Variants in KIF20B observed in about 807,000 individuals in gnomAD.
KIF20B encodes kinesin family member 20B.
KIF20B carries 188 observed loss-of-function variants against 232.5 expected under a neutral mutation model. The ratio of observed to expected loss-of-function variants is 0.81; its 90% CI spans 0.72 to 0.91. The LOEUF (loss-of-function observed/expected upper bound fraction) is 0.91, where lower values mean the gene tolerates loss of function less well. Among genes scored for constraint, KIF20B ranks in the 40% least tolerant of loss-of-function variants. The pLI, the probability that KIF20B is intolerant of heterozygous loss-of-function variation, is 0.00. For missense variants in KIF20B, 2,154 were observed against 2,055.9 expected, an observed-to-expected ratio of 1.05 and a Z score of -0.92; for synonymous variants, 712 against 683.0, an observed-to-expected ratio of 1.04 and a Z score of -0.66.
chr10:89,739,023 A>G lies in KIF20B; in HGVS notation c.3842A>G (p.Lys1281Arg). The G allele has an allele frequency of 6.2e-7, 1 of 1,613,324 alleles. No individual in the cohort carries two copies. Among genetic ancestry groups the G allele is most frequent in the Non-Finnish European group, 8.5e-7 (1 of 1,179,444 alleles). Residue 1281 changes from lysine to arginine, a missense_variant, in exon 21 of 33, where the codon AAG becomes AGG. Physicochemically the swap from Lys to Arg is conservative, Grantham distance 26. Transcript: ENST00000371728. ...TQNLKADLQR[K>R]EEDYADLKEK... ...AATCTGAAAGCAGATCTTCAGAGGA[A>G]GGAAGAAGATTATGCTGACCTGAAA...
chr10:89,753,123 A>T (rs1842052913), intron 25 of KIF20B, among the ~76,000 whole-genome samples: 1 of 152,182 alleles, frequency 6.6e-6, no homozygotes, highest in East Asian at 1.9e-4. Flanking sequence ...ATAAAACTAT[A>T]CTATATAGAA....
intron 17 of KIF20B, 151 bp from the exon 18 acceptor site, chr10:89,728,977 A>G (rs1409759260): frequency 6.8e-6 from 4 of 588,494 alleles, no homozygotes; most frequent in Non-Finnish European, 1.0e-5. Flanking sequence ...CAAAAATAAG[A>G]TCATGCTGTG....
At chr10:89,765,318 C>T (rs1391923221) in intron 29 of KIF20B, among the ~76,000 whole-genome samples, 1 of 152,102 alleles carries the variant, frequency 6.6e-6, no homozygotes, top group African/African-American at 2.4e-5. Flanking sequence ...CCTAGGAATC[C>T]AACTTACAAG....
chr10:89,724,222 C>T (rs879111097), intron 14 of KIF20B, 119 bp downstream of exon 14: 1 of 1,025,294 alleles, frequency 9.8e-7, no homozygotes. Flanking sequence ...TCTCTTTATA[C>T]AAGCTTGAAA....
chr10:89,716,187 T>C (rs967088273), intron 8 of KIF20B, among the ~76,000 whole-genome samples: 1 of 152,176 alleles, frequency 6.6e-6, no homozygotes, highest in African/African-American at 2.4e-5. Flanking sequence ...TGTTACTGTA[T>C]TCAATTTTCC....
At chr10:89,702,449 T>C (rs1034544204) in intron 1 of KIF20B, among the ~76,000 whole-genome samples, 33 of 152,376 alleles carry the variant, frequency 2.2e-4, no homozygotes, top group African/African-American at 7.2e-4. Flanking sequence ...TCACGCCTTA[T>C]GGGTTAGGTA....
At chr10:89,725,812 T>C (rs1340040244) in intron 15 of KIF20B, among the ~76,000 whole-genome samples, 1 of 152,156 alleles carries the variant, frequency 6.6e-6, no homozygotes, top group Non-Finnish European at 1.5e-5. Context: ...GATCAGTTTT[T>C]TGGGGGAGTT....
At chr10:89,744,582 A>G (rs1191777383) in intron 22 of KIF20B, among the ~76,000 whole-genome samples, 1 of 152,218 alleles carries the variant, frequency 6.6e-6, no homozygotes, top group East Asian at 1.9e-4. Context: ...TAAAATGCAA[A>G]AAAACAAAAA....
chr10:89,707,234 GACATGTGCAT>G (rs1842742111), intron 2 of KIF20B, among the ~76,000 whole-genome samples: 3 of 152,218 alleles, frequency 2.0e-5, no homozygotes, highest in Admixed American at 1.3e-4. Flanking sequence ...GATAAGTTTT[GACATGTGCAT>G]ACACTTATGT....
chr10:89,710,199 A>T, intron 5 of KIF20B, 134 bp downstream of exon 5: 17 of 570,314 alleles, frequency 3.0e-5, no homozygotes, highest in East Asian at 4.0e-5. Flanking sequence ...GTACTAGCAT[A>T]TTATTACGTA....
At chr10:89,736,727 C>T (rs1273655482) in intron 19 of KIF20B, among the ~76,000 whole-genome samples, 2 of 152,064 alleles carry the variant, frequency 1.3e-5, no homozygotes, top group African/African-American at 4.8e-5. Flanking sequence ...TTAAATCTAT[C>T]CAATGCACAG....
In KIF20B at chr10:89,727,840, T is replaced by A; in HGVS notation, c.2231-16T>A. 1 of 1,536,524 alleles carries A rather than the reference T, an allele frequency of 6.5e-7. No individual in the cohort carries two copies. On this transcript the variant is annotated splice_polypyrimidine_tract_variant and intron_variant, in intron 16 of 32. Transcript: ENST00000371728. ...GATGCTTAGATATTTATTTTCAATG[T>A]TCTTTATTTTTTCAGAATCAGATTC...
chr10:89,737,446 C>T lies in KIF20B; in HGVS notation c.2605C>T (p.Pro869Ser). The T allele has an allele frequency of 1.2e-6, 2 of 1,604,700 alleles. No individual in the cohort carries two copies. The highest frequency in any genetic ancestry group is 1.7e-6 in the Non-Finnish European group (2 of 1,177,540). ...EDQKKSEEVR[P>S]NIAEIEDIRV... Reference sequence around the variant, plus strand: ...CCAAAAGAAAAGTGAAGAAGTGCGACCGAACATTGCAGAAATTGAAGACAT... The same window carrying T: ...CCAAAAGAAAAGTGAAGAAGTGCGATCGAACATTGCAGAAATTGAAGACAT... The change falls in exon 20 of 33, where the codon CCG becomes TCG. Residue 869 changes from proline to serine, a missense_variant. Physicochemically the swap from Pro to Ser is moderately conservative, Grantham distance 74 (BLOSUM62 -1). Coordinates refer to ENST00000371728, the MANE Select transcript of KIF20B (RefSeq NM_001284259.2).
intron 18 of KIF20B, among the ~76,000 whole-genome samples, chr10:89,732,512 T>G (rs1334607400): frequency 2.6e-5 from 4 of 151,944 alleles, no homozygotes. Flanking sequence ...AAGCTGTCTG[T>G]AGGCTGTATA....
At chr10:89,766,476 G>C (rs937954174) in intron 29 of KIF20B, 1 of 152,122 alleles carries the variant, frequency 6.6e-6, no homozygotes, top group Admixed American at 6.6e-5. Flanking sequence ...ATACAGAGAA[G>C]TGCTTAAAGG....
intron 29 of KIF20B, among the ~76,000 whole-genome samples, chr10:89,764,278 T>G (rs1053125265): frequency 6.6e-6 from 1 of 152,138 alleles, no homozygotes; most frequent in African/African-American, 2.4e-5. Flanking sequence ...TGCCACATTT[T>G]CTTAATCCAG....
chr10:89,743,988 A>C (rs1703358648), intron 22 of KIF20B, 61 bp downstream of exon 22: 1 of 1,396,916 alleles, frequency 7.2e-7, no homozygotes, highest in African/African-American at 1.5e-5. Context: ...TTTAGTGTAC[A>C]AAAAGGTACA....
intron 7 of KIF20B, 40 bp downstream of exon 7, chr10:89,714,123 A>G (rs757058785): frequency 2.6e-6 from 3 of 1,139,612 alleles, no homozygotes; most frequent in Non-Finnish European, 2.5e-6. Context: ...TGTATCGATT[A>G]TATGAAGTAC....
chr10:89,740,685 G>A (rs1452750612), intron 21 of KIF20B, among the ~76,000 whole-genome samples: 1 of 152,094 alleles, frequency 6.6e-6, no homozygotes, highest in African/African-American at 2.4e-5. Flanking sequence ...TTTTGGGACA[G>A]GGTCTTACTC....
Sources: allele counts gnomAD v4.1 joint callset (sites outside exome capture counted in the v4.1 genomes callset), GRCh38; gene constraint gnomAD v4.1.1; transcripts MANE v1.5; gene names NCBI Gene and HGNC (gene_info 2026-07-23, HGNC 2026-07-21).